The following SCN8A variants were observed in gnomAD, a reference collection of about 807,000 sequenced individuals.
The protein encoded by SCN8A is sodium voltage-gated channel alpha subunit 8.
Under a neutral mutation model 184.1 loss-of-function variants are expected in SCN8A, and 30 were observed. The observed-to-expected ratio is 0.16, with a 90% confidence interval of 0.12 to 0.22. The LOEUF is 0.22. SCN8A is among the 10% of genes least tolerant of loss of function. The pLI, the probability that SCN8A is intolerant of heterozygous loss-of-function variation, is 1.00. For synonymous variants in SCN8A, 852 were observed against 907.0 expected, an observed-to-expected ratio of 0.94 and a Z score of 1.09; for missense variants, 1,057 against 2,498.9, an observed-to-expected ratio of 0.42 and a Z score of 12.30.
At chr12:51,684,695 A>G (rs1941391713) in intron 3 of SCN8A, among the ~76,000 whole-genome samples, 1 of 152,222 alleles carries the variant, frequency 6.6e-6, no homozygotes, top group Non-Finnish European at 1.5e-5. Context: ...TGAATGCTTT[A>G]GAAATCAGCT....
intron 12 of SCN8A, among the ~76,000 whole-genome samples, chr12:51,735,180 C>G (rs1039498053): frequency 6.6e-6 from 1 of 152,078 alleles, no homozygotes; most frequent in Non-Finnish European, 1.5e-5. Flanking sequence ...GAACTTTTGC[C>G]GTACTTTTTG....
chr12:51,750,250 G>C (rs1366797694), intron 13 of SCN8A, among the ~76,000 whole-genome samples: 1 of 152,102 alleles, frequency 6.6e-6, no homozygotes, highest in African/African-American at 2.4e-5. Flanking sequence ...GGAAATTCCT[G>C]GTGTATTTCA....
rs1938353973 is a variant in SCN8A at position 51,794,541 on chromosome 12, C to T, written c.4695C>T (p.Phe1565=). ...TTAACCTGGTGTTTGTTATCTTCTT[C>T]ACCTGTGAGTGTGTGCTCAAAATGT... ...YWINLVFVIF[F]TCECVLKMFA... is the part of the protein sequence containing the mutation. The change falls in exon 26 of 27, where the codon TTC becomes TTT. Residue 1565 remains phenylalanine (F), a synonymous_variant. Coordinates refer to ENST00000627620, the MANE Select transcript of SCN8A (RefSeq NM_001330260.2). The T allele has an allele frequency of 1.2e-6, 2 of 1,614,004 alleles. No individual in the cohort carries two copies. The highest frequency in any genetic ancestry group is 1.7e-6 in the Non-Finnish European group (2 of 1,179,892).
At position 51,732,696 on chromosome 12, in the gene SCN8A, A is replaced by G. The variant is rs181948709; in HGVS notation, c.1998+10788A>G. 3.2e-3 allele frequency among the ~76,000 whole-genome samples: 493 copies of G among 152,250 alleles called. 11 individuals carry two copies. Among genetic ancestry groups the G allele is most frequent in the African/African-American group, 9.1e-3 (377 of 41,556 alleles). ...TTTAACAATATTGAACAATCCACGA[A>G]CATGGAATATCTTTCCAGTTTTTTG... On this transcript the variant is annotated intron_variant, in intron 12 of 26. Transcript: ENST00000627620.
intron 12 of SCN8A, among the ~76,000 whole-genome samples, chr12:51,730,697 A>G (rs1270079147): frequency 9.2e-5 from 14 of 152,196 alleles, no homozygotes; most frequent in Non-Finnish European, 1.9e-4. Context: ...TCTTCTTTGT[A>G]TTACAAACAA....
intron 24 of SCN8A, 41 bp from the exon 25 acceptor site, chr12:51,790,357 G>C (rs1226843926): frequency 2.1e-6 from 3 of 1,428,102 alleles, no homozygotes; most frequent in Non-Finnish European, 2.9e-6. Flanking sequence ...AGCATGTTGA[G>C]AGCCAGTTGT....
chr12:51,667,056 A>T (rs1056729881), intron 2 of SCN8A, among the ~76,000 whole-genome samples: 6 of 152,200 alleles, frequency 3.9e-5, no homozygotes, highest in African/African-American at 1.4e-4. Context: ...GCTACAAATA[A>T]TTGTTTAAGG....
At chr12:51,664,249 C>T (rs1461004559) in intron 2 of SCN8A, among the ~76,000 whole-genome samples, 1 of 151,410 alleles carries the variant, frequency 6.6e-6, no homozygotes, top group African/African-American at 2.4e-5. Flanking sequence ...GCACTGTTGC[C>T]CAGACAGGAG....
chr12:51,787,504 T>G (rs1396035300), intron 22 of SCN8A, among the ~76,000 whole-genome samples: 1 of 152,234 alleles, frequency 6.6e-6, no homozygotes, highest in Non-Finnish European at 1.5e-5. Context: ...TGATACTTAC[T>G]GGATATGTAA....
In SCN8A at chr12:51,772,755, C is replaced by T. The variant is rs896606230; in HGVS notation, c.3646-1434C>T. Among the ~76,000 whole-genome samples the T allele has an allele frequency of 5.4e-5, 8 of 149,084 alleles. No homozygotes were observed. The South Asian group carries it at 6.3e-4, about 12-fold the overall frequency. On this transcript the variant is annotated intron_variant, in intron 19 of 26. Transcript: ENST00000627620. ...CAGCACTTTGGGAGGCTGAGGCGGG[C>T]GAATCACGAAGTCAGGAGATTGAGA... is the stretch of plus-strand genomic sequence containing the variant.
chr12:51,594,565 A>G (rs1032076355), intron 1 of SCN8A, among the ~76,000 whole-genome samples: 3 of 152,236 alleles, frequency 2.0e-5, no homozygotes, highest in Non-Finnish European at 4.4e-5. Context: ...ATTCCTATGG[A>G]TTATGTCTAA....
chr12:51,591,376 C>G lies in SCN8A; in HGVS notation c.-55+17C>G, dbSNP rs1043168573. On this transcript the variant is annotated intron_variant, in intron 1 of 26. Transcript: ENST00000627620. ...GCCGCTGCCGTAAGTCGCCCCAGAG[C>G]CCCCGCCCTAGCGCTGCTTCCTGCC... 1 of 154,528 alleles carries G rather than the reference C, an allele frequency of 6.5e-6. No homozygotes were observed. Among genetic ancestry groups the G allele is most frequent in the African/African-American group, 2.4e-5 (1 of 41,462 alleles). The allele number at this position is 154,528 out of a possible 1,614,324, so 9.6% of individuals were successfully genotyped here.
chr12:51,721,932 C>T (rs1269038777), intron 12 of SCN8A, 24 bp downstream of exon 12: 4 of 1,599,548 alleles, frequency 2.5e-6, no homozygotes, highest in Non-Finnish European at 3.4e-6. Context: ...AGGCAGCTAC[C>T]GATGACAGTG....
chr12:51,779,626 T>C (rs2079071526), intron 20 of SCN8A, among the ~76,000 whole-genome samples: 1 of 152,220 alleles, frequency 6.6e-6, no homozygotes, highest in African/African-American at 2.4e-5. Context: ...AGGTCTTTAA[T>C]CTTGGCTGCA....
chr12:51,746,131 G>C, intron 13 of SCN8A, 96 bp downstream of exon 13: 1 of 1,173,516 alleles, frequency 8.5e-7, no homozygotes, highest in Non-Finnish European at 1.2e-6. Flanking sequence ...GTTTTGCAAA[G>C]ACTGTCTCTG....
chr12:51,620,865 T>C (rs538310381), intron 1 of SCN8A, among the ~76,000 whole-genome samples: 4 of 150,396 alleles, frequency 2.7e-5, no homozygotes, highest in Non-Finnish European at 5.9e-5. Flanking sequence ...CACACGCCTG[T>C]GGTCCCAGCT....
intron 22 of SCN8A, 118 bp from the exon 23 acceptor site, chr12:51,788,577 G>A (rs1056176656): frequency 1.8e-6 from 1 of 567,758 alleles, no homozygotes; most frequent in Non-Finnish European, 2.9e-6. Context: ...AAGGGAGGCT[G>A]CACCCAAACC....
intron 2 of SCN8A, among the ~76,000 whole-genome samples, chr12:51,678,063 A>G (rs1941255738): frequency 6.6e-6 from 1 of 152,196 alleles, no homozygotes; most frequent in Admixed American, 6.5e-5. Flanking sequence ...AGAGAGGACA[A>G]ATGTCCTTTT....
intron 1 of SCN8A, among the ~76,000 whole-genome samples, chr12:51,611,325 C>T (rs1939715994): frequency 1.3e-5 from 2 of 151,842 alleles, no homozygotes; most frequent in African/African-American, 4.8e-5. Context: ...CCACGCCTGG[C>T]TAATTTCTTT....
Sources: allele counts gnomAD v4.1 joint callset (sites outside exome capture counted in the v4.1 genomes callset), GRCh38; gene constraint gnomAD v4.1.1; transcripts MANE v1.5; gene names NCBI Gene and HGNC (gene_info 2026-07-23, HGNC 2026-07-21).